Variants in STX18 observed in about 807,000 individuals in gnomAD.
STX18 encodes syntaxin-18.
STX18 carries 40 observed loss-of-function variants against 50.1 expected under a neutral mutation model. That is an observed-to-expected ratio of 0.80 (90% CI 0.62 to 1.04). STX18 has a LOEUF of 1.04. Among genes scored for constraint, STX18 ranks in the 50% least tolerant of loss-of-function variants. STX18 has a pLI of 0.00. For synonymous variants in STX18, 158 were observed against 151.8 expected, an observed-to-expected ratio of 1.04 and a Z score of -0.30; for missense variants, 410 against 415.8, an observed-to-expected ratio of 0.99 and a Z score of 0.12.
chr4:4,502,691 A>G (rs1219598770), intron 1 of STX18, among the ~76,000 whole-genome samples: 1 of 152,184 alleles, frequency 6.6e-6, no homozygotes, highest in Non-Finnish European at 1.5e-5. Flanking sequence ...CACACAACGG[A>G]GGGATGGGTA....
intron 5 of STX18, among the ~76,000 whole-genome samples, chr4:4,442,309 T>C (rs1726155129): frequency 6.6e-6 from 1 of 151,596 alleles, no homozygotes; most frequent in Admixed American, 6.6e-5. Context: ...CATAAAAAAA[T>C]GAACCACACA....
At chr4:4,494,929 G>A (rs1333053276) in intron 1 of STX18, among the ~76,000 whole-genome samples, 1 of 152,128 alleles carries the variant, frequency 6.6e-6, no homozygotes, top group Non-Finnish European at 1.5e-5. Flanking sequence ...GATCTGATTG[G>A]TCTCATGTAG....
intron 1 of STX18, among the ~76,000 whole-genome samples, chr4:4,513,979 G>A (rs1436867319): frequency 6.6e-6 from 1 of 152,130 alleles, no homozygotes; most frequent in Non-Finnish European, 1.5e-5. Context: ...ATTACGTTAA[G>A]AGTCAATACT....
At chr4:4,506,843 T>C (rs1251464143) in intron 1 of STX18, among the ~76,000 whole-genome samples, 1 of 152,226 alleles carries the variant, frequency 6.6e-6, no homozygotes, top group African/African-American at 2.4e-5. Context: ...TGTACTCACC[T>C]TTCTTTTTGT....
At chr4:4,541,690 A>C (rs1731605234) in intron 1 of STX18, 107 bp downstream of exon 1, 1 of 1,299,250 alleles carries the variant, frequency 7.7e-7, no homozygotes, top group Non-Finnish European at 1.0e-6. Context: ...CCTTAGAGCC[A>C]CCCCCTTCAC....
At chr4:4,531,152 T>TAC (rs142048912) in intron 1 of STX18, among the ~76,000 whole-genome samples, 2,184 of 149,660 alleles carry the variant, frequency 0.015, 37 homozygotes, top group East Asian at 0.039. Context: ...GGATAAAATT[T>TAC]ACACACACAC....
Position 4,499,421 on chromosome 4 carries a change from G to A in STX18, c.169-27715C>T. 7 of 840,124 alleles carry A rather than the reference G, an allele frequency of 8.3e-6. 1 individual carries two copies. The South Asian group carries it at 3.8e-4, about 46-fold the overall frequency. The allele number at this position is 840,124 out of a possible 1,614,324, so 52.0% of individuals were successfully genotyped here. On this transcript the variant is annotated intron_variant, in intron 1 of 10. Transcript: ENST00000306200. ...CAAAGATTTTTCAAAGATTCTGAAAGCAAAGAAAACCATACTGTGCTCTGG... is the reference window on the plus strand; with the variant it reads ...CAAAGATTTTTCAAAGATTCTGAAAACAAAGAAAACCATACTGTGCTCTGG...
intron 1 of STX18, among the ~76,000 whole-genome samples, chr4:4,494,073 G>A (rs1321765797): frequency 6.6e-6 from 1 of 152,130 alleles, no homozygotes; most frequent in African/African-American, 2.4e-5. Context: ...TCTTACACTG[G>A]GGTCAGGTAA....
At chr4:4,482,564 T>C (rs1728513444) in intron 1 of STX18, among the ~76,000 whole-genome samples, 1 of 152,236 alleles carries the variant, frequency 6.6e-6, no homozygotes, top group South Asian at 2.1e-4. Flanking sequence ...CTCACCTTGT[T>C]AAACACTGGC....
chr4:4,439,922 T>C (rs934804352), intron 5 of STX18, among the ~76,000 whole-genome samples: 4 of 152,216 alleles, frequency 2.6e-5, no homozygotes, highest in Non-Finnish European at 5.9e-5. Flanking sequence ...GTTTTCTCCA[T>C]AGCAGTTATC....
chr4:4,431,264 G>T (rs974745047), intron 7 of STX18, among the ~76,000 whole-genome samples: 61 of 152,286 alleles, frequency 4.0e-4, no homozygotes, highest in African/African-American at 1.4e-3. Flanking sequence ...AAGAGACAGA[G>T]CTGTACACAT....
intron 7 of STX18, among the ~76,000 whole-genome samples, chr4:4,431,069 A>G (rs1725493183): frequency 6.6e-6 from 1 of 152,134 alleles, no homozygotes; most frequent in Non-Finnish European, 1.5e-5. Flanking sequence ...AAAGGTTAAC[A>G]TGCTTAGCTC....
chr4:4,487,488 G>A (rs1728750056), intron 1 of STX18, among the ~76,000 whole-genome samples: 2 of 152,106 alleles, frequency 1.3e-5, no homozygotes, highest in Admixed American at 6.5e-5. Context: ...TTGCCCAAAG[G>A]CACACACCTG....
intron 1 of STX18, chr4:4,507,012 T>C (rs1309790733): frequency 7.6e-6 from 3 of 393,278 alleles, no homozygotes; most frequent in Non-Finnish European, 1.5e-5. Flanking sequence ...TGTATGCTAA[T>C]CTACAAATAA....
intron 1 of STX18, among the ~76,000 whole-genome samples, chr4:4,473,334 C>G (rs1728016963): frequency 6.7e-6 from 1 of 149,894 alleles, no homozygotes; most frequent in Admixed American, 6.7e-5. Context: ...GCTCTGTCAC[C>G]AGGGCTGGAG....
intron 1 of STX18, among the ~76,000 whole-genome samples, chr4:4,497,137 C>T (rs1022104020): frequency 1.3e-5 from 2 of 152,182 alleles, no homozygotes; most frequent in Non-Finnish European, 2.9e-5. Flanking sequence ...GCTCCCCCTC[C>T]GGCTCCAGGG....
At chr4:4,497,655 C>G (rs1043446838) in intron 1 of STX18, among the ~76,000 whole-genome samples, 1 of 152,172 alleles carries the variant, frequency 6.6e-6, no homozygotes, top group Non-Finnish European at 1.5e-5. Flanking sequence ...CTCAATATCC[C>G]TCAGCTAGTA....
intron 1 of STX18, chr4:4,481,691 A>T (rs759707863): frequency 2.0e-5 from 3 of 152,196 alleles, no homozygotes; most frequent in Admixed American, 6.5e-5. Context: ...GCAATTACTA[A>T]GTCAGAGCTA....
chr4:4,498,603 G>C (rs187055080), intron 1 of STX18, among the ~76,000 whole-genome samples: 76 of 152,220 alleles, frequency 5.0e-4, no homozygotes, highest in African/African-American at 1.7e-3. Context: ...TCTCTCCAAG[G>C]AGAATAGTTT....
Sources: gnomAD v4.1 joint callset for allele counts (sites outside exome capture counted in the v4.1 genomes callset) on GRCh38, gnomAD v4.1.1 for gene constraint, MANE v1.5 for transcripts, NCBI Gene and HGNC (gene_info 2026-07-23, HGNC 2026-07-21) for gene names.